RAB20: variants seen among roughly 807,000 people sequenced by gnomAD.
RAB20 encodes the protein RAB20, member RAS oncogene family.
A neutral mutation model predicts 3.7 loss-of-function variants in RAB20; 2 were observed. That is an observed-to-expected ratio of 0.54 (90% CI 0.22 to 1.69). The LOEUF (loss-of-function observed/expected upper bound fraction) is 1.69, where lower values mean the gene tolerates loss of function less well. Among genes scored for constraint, RAB20 ranks in the 40% most tolerant of loss-of-function variants. RAB20 has a pLI of 0.19. For missense variants in RAB20, 276 were observed against 311.9 expected (o/e 0.88, Z 0.87); for synonymous variants, 126 against 130.8 (o/e 0.96, Z 0.25).
intron 1 of RAB20, among the ~76,000 whole-genome samples, chr13:110,524,632 T>C (rs1884396536): frequency 6.6e-6 from 1 of 152,210 alleles, no homozygotes; most frequent in Non-Finnish European, 1.5e-5. Flanking sequence ...GGAAGCAAAG[T>C]GTGCCCATGT....
At chr13:110,527,948 C>CACACACACA (rs1441568188) in intron 1 of RAB20, among the ~76,000 whole-genome samples, 14 of 147,842 alleles carry the variant, frequency 9.5e-5, no homozygotes, top group Non-Finnish European at 1.5e-4. Flanking sequence ...CACACATACA[C>CACACACACA]TTTAATTAGC....
At chr13:110,530,648 C>T (rs1186602353) in intron 1 of RAB20, among the ~76,000 whole-genome samples, 1 of 101,188 alleles carries the variant, frequency 9.9e-6, no homozygotes, top group Non-Finnish European at 2.0e-5. Context: ...AGGTCCCACC[C>T]GCCCCACCTC....
intron 1 of RAB20, among the ~76,000 whole-genome samples, chr13:110,558,635 C>G (rs2139592611): frequency 6.6e-6 from 1 of 151,494 alleles, no homozygotes; most frequent in African/African-American, 2.4e-5. Context: ...GCCCGCCTCA[C>G]CCTCCTAAAG....
chr13:110,540,497 C>A (rs974505624), intron 1 of RAB20, among the ~76,000 whole-genome samples: 11 of 152,162 alleles, frequency 7.2e-5, no homozygotes, highest in Non-Finnish European at 1.6e-4. Context: ...AATCCCAGCA[C>A]TTTGGGAGGC....
intron 1 of RAB20, among the ~76,000 whole-genome samples, chr13:110,534,777 C>G (rs1884608909): frequency 6.6e-6 from 1 of 152,180 alleles, no homozygotes; most frequent in Non-Finnish European, 1.5e-5. Context: ...AGCAACTAAA[C>G]AGTAAAATAG....
chr13:110,561,232 C>T, intron 1 of RAB20, 116 bp downstream of exon 1: 2 of 1,284,934 alleles, frequency 1.6e-6, no homozygotes, highest in East Asian at 3.0e-5. Flanking sequence ...GAGAAGGAGG[C>T]ATTTGCTGTC....
At chr13:110,540,710 C>A (rs1884742385) in intron 1 of RAB20, among the ~76,000 whole-genome samples, 1 of 150,524 alleles carries the variant, frequency 6.6e-6, no homozygotes, top group African/African-American at 2.4e-5. Flanking sequence ...CCATTGCACT[C>A]CAGCCTGGGC....
intron 1 of RAB20, among the ~76,000 whole-genome samples, chr13:110,539,628 C>T (rs1311929398): frequency 9.4e-5 from 14 of 149,294 alleles, no homozygotes; most frequent in African/African-American, 2.5e-4. Flanking sequence ...GGTGCAATCT[C>T]GGCTCACTGC....
Position 110,531,460 on chromosome 13 carries a change from G to C in RAB20, c.173-7263C>G, listed in dbSNP as rs188499106. On this transcript the variant is annotated intron_variant, in intron 1 of 1. Transcript: ENST00000267328. ...TCTGGTAAACAGCCCCCACTCTAGA[G>C]ACAGACTACATTCAAATCCCCACCG... Among the ~76,000 whole-genome samples, 3 of 152,336 alleles carry C rather than the reference G, an allele frequency of 2.0e-5. No individual in the cohort carries two copies. The East Asian group carries it at 5.8e-4, about 29-fold the overall frequency.
At position 110,523,704 on chromosome 13, in the gene RAB20, A is replaced by T. The variant is rs1884374333; in HGVS notation, c.666T>A (p.His222Gln). The T allele has an allele frequency of 6.2e-7, 1 of 1,614,174 alleles. No homozygotes were observed. Among genetic ancestry groups the T allele is most frequent in the Middle Eastern group, 1.6e-4 (1 of 6,062 alleles). ...CAGATCTGGTCCTCTTGGGTGGCTT[A>T]TGACTGGATATATCCACTGTGTGTG... The part of the protein sequence containing the change: ...RPSHTVDISS[H>Q]KPPKRTRSGC... The change falls in exon 2 of 2, where the codon CAT becomes CAA. Residue 222 changes from histidine (H) to glutamine (Q), a missense_variant. By Grantham distance (24) the His-to-Gln change is conservative. Coordinates refer to ENST00000267328, the MANE Select transcript of RAB20 (RefSeq NM_017817.3).
intron 1 of RAB20, among the ~76,000 whole-genome samples, chr13:110,541,944 C>T (rs922671500): frequency 6.6e-6 from 1 of 152,146 alleles, no homozygotes; most frequent in Non-Finnish European, 1.5e-5. Context: ...GAATCAGAGA[C>T]CCCAGATGCT....
At chr13:110,527,552 TG>T (rs1194754152) in intron 1 of RAB20, among the ~76,000 whole-genome samples, 3 of 152,174 alleles carry the variant, frequency 2.0e-5, no homozygotes, top group Non-Finnish European at 2.9e-5. Flanking sequence ...CTGGGAATGC[TG>T]TTGTTTGGGC....
intron 1 of RAB20, among the ~76,000 whole-genome samples, chr13:110,537,237 T>TCCTCCCACATTGGCCTCCCACATTGG (rs1230179063): frequency 6.6e-6 from 1 of 151,706 alleles, no homozygotes; most frequent in African/African-American, 2.4e-5. Context: ...GCTCAAGCAG[T>TCCTCCCACATTGGCCTCCCACATTGG]CCTCCCACAT....
intron 1 of RAB20, among the ~76,000 whole-genome samples, chr13:110,559,316 C>T (rs1885094522): frequency 6.7e-6 from 1 of 148,832 alleles, no homozygotes; most frequent in Admixed American, 6.7e-5. Flanking sequence ...ACAATTACAA[C>T]AAAAACAACT....
chr13:110,550,087 A>T (rs953354989), intron 1 of RAB20, among the ~76,000 whole-genome samples: 1 of 152,118 alleles, frequency 6.6e-6, no homozygotes, highest in African/African-American at 2.4e-5. Context: ...AAGTCTCCAT[A>T]AGAAGCCCAG....
intron 1 of RAB20, among the ~76,000 whole-genome samples, chr13:110,548,296 C>A (rs2139586652): frequency 6.6e-6 from 1 of 152,166 alleles, no homozygotes. Context: ...CCAGCCTGGC[C>A]AACATGGTGA....
At chr13:110,557,077 G>C (rs891861997) in intron 1 of RAB20, among the ~76,000 whole-genome samples, 2 of 152,154 alleles carry the variant, frequency 1.3e-5, no homozygotes, top group Non-Finnish European at 2.9e-5. Flanking sequence ...GAGAAGCATA[G>C]CAGAGAAAAC....
At chr13:110,551,932 A>T in intron 1 of RAB20, among the ~76,000 whole-genome samples, 1 of 50,132 alleles carries the variant, frequency 2.0e-5, no homozygotes, top group African/African-American at 3.8e-5. Flanking sequence ...AAAAAAAAAA[A>T]AATACAAAAA....
chr13:110,524,005 GC>G lies in RAB20; in HGVS notation c.364del (p.Ala122ProfsTer83). 1 of 1,614,110 alleles carries G rather than the reference GC, an allele frequency of 6.2e-7. No homozygotes were observed. The highest frequency in any genetic ancestry group is 8.5e-7 in the Non-Finnish European group (1 of 1,180,026). On this transcript the variant is annotated frameshift_variant, in exon 2 of 2. Transcript: ENST00000267328. LOFTEE classifies it low-confidence loss of function (END_TRUNC). ...GNKVDLTEEG[A>X]LAGQEKEECS... ...CTCTTCCTTCTCCTGGCCCGCCAAG[GC>G]CCCCTCCTCAGTGAGGTCCACTTTG...
Sources: gnomAD v4.1 joint callset for allele counts (sites outside exome capture counted in the v4.1 genomes callset) on GRCh38, gnomAD v4.1.1 for gene constraint, MANE v1.5 for transcripts, NCBI Gene and HGNC (gene_info 2026-07-23, HGNC 2026-07-21) for gene names.